CDH9: variants seen among roughly 807,000 people sequenced by gnomAD.
The protein encoded by CDH9 is cadherin 9, also known as cadherin-9.
Under a neutral mutation model 70.9 loss-of-function variants are expected in CDH9, and 28 were observed. The ratio of observed to expected loss-of-function variants is 0.40; its 90% CI spans 0.29 to 0.54. CDH9 has a LOEUF of 0.54. Ranked by LOEUF, CDH9 falls within the 20% of genes least tolerant of loss-of-function variation. The probability of loss-of-function intolerance (pLI) is 0.59; values close to 1 mark genes in which losing one functional copy is unlikely to be tolerated. For missense variants in CDH9, 874 were observed against 984.4 expected (o/e 0.89, Z 1.50); for synonymous variants, 409 against 343.1 (o/e 1.19, Z -2.12).
intron 7 of CDH9, among the ~76,000 whole-genome samples, chr5:26,894,420 C>A (rs917918866): frequency 4.6e-5 from 7 of 152,000 alleles, no homozygotes; most frequent in Admixed American, 2.6e-4. Flanking sequence ...TTTCTGGCCA[C>A]CTTACTCTTA....
chr5:26,993,760 G>T (rs915088421), intron 1 of CDH9, among the ~76,000 whole-genome samples: 1 of 134,876 alleles, frequency 7.4e-6, no homozygotes, highest in Non-Finnish European at 1.6e-5. Context: ...TGACTCGAAA[G>T]ATAATTCAGG....
chr5:26,984,280 A>T (rs1401660457), intron 2 of CDH9, among the ~76,000 whole-genome samples: 1 of 152,190 alleles, frequency 6.6e-6, no homozygotes, highest in East Asian at 1.9e-4. Flanking sequence ...TGCTCTGCAC[A>T]AAGCAAGTGC....
At chr5:27,005,558 C>T (rs1358821181) in intron 1 of CDH9, among the ~76,000 whole-genome samples, 1 of 152,034 alleles carries the variant, frequency 6.6e-6, no homozygotes, top group East Asian at 1.9e-4. Flanking sequence ...AACACATGCA[C>T]TGATGGTGGG....
intron 3 of CDH9, among the ~76,000 whole-genome samples, chr5:26,911,633 A>G (rs1741055352): frequency 6.6e-6 from 1 of 151,394 alleles, no homozygotes; most frequent in African/African-American, 2.4e-5. Flanking sequence ...ACATGAAGCA[A>G]GTTGATAGAA....
chr5:26,961,776 T>C (rs1175926716), intron 2 of CDH9, among the ~76,000 whole-genome samples: 7 of 152,134 alleles, frequency 4.6e-5, no homozygotes, highest in African/African-American at 1.7e-4. Context: ...GCATGCAGTT[T>C]CGTCACCACC....
intron 1 of CDH9, among the ~76,000 whole-genome samples, chr5:26,995,909 T>A (rs186991577): frequency 6.6e-6 from 1 of 152,184 alleles, no homozygotes; most frequent in African/African-American, 2.4e-5. Flanking sequence ...TTGTTAACTT[T>A]AAAAACTGAA....
At position 26,988,124 on chromosome 5, in the gene CDH9, G is replaced by C; in HGVS notation, c.210C>G (p.Asp70Glu). 1 of 1,611,240 alleles carries C rather than the reference G, an allele frequency of 6.2e-7. No homozygotes were observed. The highest frequency in any genetic ancestry group is 8.5e-7 in the Non-Finnish European group (1 of 1,178,094). The part of the protein sequence containing the change: ...FFLLEEYTGT[D>E]TQYVGKLHTD... ...TTCTTACCTTGCCTACATATTGTGT[G>C]TCAGTACCTGTGTACTCTTCCAATA... Residue 70 changes from aspartate to glutamate, a missense_variant, in exon 2 of 12, where the codon GAC becomes GAG. Transcript: ENST00000231021.
chr5:26,985,571 A>G (rs1742475521), intron 2 of CDH9, among the ~76,000 whole-genome samples: 1 of 152,080 alleles, frequency 6.6e-6, no homozygotes, highest in Non-Finnish European at 1.5e-5. Context: ...TATCTTCCCA[A>G]TTTCATGCAA....
intron 2 of CDH9, among the ~76,000 whole-genome samples, chr5:26,939,788 G>T (rs993983191): frequency 6.6e-6 from 1 of 152,222 alleles, no homozygotes; most frequent in South Asian, 2.1e-4. Flanking sequence ...ATAGAGAATT[G>T]TTTAGGCATG....
intron 2 of CDH9, among the ~76,000 whole-genome samples, chr5:26,921,802 G>A (rs558270106): frequency 1.4e-4 from 21 of 151,950 alleles, no homozygotes; most frequent in Admixed American, 3.9e-4. Flanking sequence ...CACACTTCCC[G>A]GTAACATATT....
At chr5:27,011,627 A>C (rs2112115642) in intron 1 of CDH9, among the ~76,000 whole-genome samples, 1 of 152,206 alleles carries the variant, frequency 6.6e-6, no homozygotes, top group African/African-American at 2.4e-5. Context: ...GCCTTAGGAA[A>C]CTTATAGTGT....
At chr5:27,001,838 A>ACT (rs1186197846) in intron 1 of CDH9, among the ~76,000 whole-genome samples, 2 of 123,170 alleles carry the variant, frequency 1.6e-5, no homozygotes, top group African/African-American at 7.7e-5. Context: ...ATACACACAC[A>ACT]CACACACTCT....
intron 2 of CDH9, among the ~76,000 whole-genome samples, chr5:26,931,973 A>T (rs1264219724): frequency 6.6e-6 from 1 of 152,208 alleles, no homozygotes; most frequent in East Asian, 1.9e-4. Context: ...GTGAATTTCA[A>T]CCAAGATAAT....
chr5:26,974,904 G>C (rs1275107526), intron 2 of CDH9, among the ~76,000 whole-genome samples: 1 of 151,966 alleles, frequency 6.6e-6, no homozygotes, highest in East Asian at 1.9e-4. Context: ...TGTAACTGTA[G>C]TCACCATGCT....
chr5:26,906,914 T>C (rs113140067), intron 3 of CDH9, 76 bp from the exon 4 acceptor site: 1 of 1,463,408 alleles, frequency 6.8e-7, no homozygotes, highest in Non-Finnish European at 9.1e-7. Context: ...TAAAAATATG[T>C]TGCTCTCAGT....
intron 2 of CDH9, among the ~76,000 whole-genome samples, chr5:26,976,273 C>G (rs769628203): frequency 6.6e-6 from 1 of 152,146 alleles, no homozygotes; most frequent in Admixed American, 6.5e-5. Flanking sequence ...AGTGATGAAA[C>G]AGATTGGATG....
intron 3 of CDH9, among the ~76,000 whole-genome samples, chr5:26,910,740 G>C (rs1240088984): frequency 6.6e-6 from 1 of 152,166 alleles, no homozygotes; most frequent in East Asian, 1.9e-4. Context: ...TTCAGTGTGA[G>C]AATAAGTTAA....
At chr5:27,011,646 A>G (rs576752668) in intron 1 of CDH9, among the ~76,000 whole-genome samples, 2 of 152,178 alleles carry the variant, frequency 1.3e-5, no homozygotes, top group East Asian at 1.9e-4. Flanking sequence ...GTTAAAGTTA[A>G]TTTTTATTAT....
chr5:26,906,031 C>T lies in CDH9; in HGVS notation c.739G>A (p.Gly247Ser), dbSNP rs772276850. ...TTCACTGTGGTGGTTCCAGAAAGGC[C>T]TCCCATCTGGCCACCCATGTCTTTG... ...QAKDMGGQMGGLSGTTTVNIT... is the reference protein window; with the variant it reads ...QAKDMGGQMGSLSGTTTVNIT... Residue 247 changes from glycine to serine, a missense_variant, in exon 5 of 12, where the codon GGC becomes AGC. Coordinates refer to ENST00000231021, the MANE Select transcript of CDH9 (RefSeq NM_016279.4). 1 of 1,613,304 alleles carries T rather than the reference C, an allele frequency of 6.2e-7. No homozygotes were observed. Among genetic ancestry groups the T allele is most frequent in the South Asian group, 1.1e-5 (1 of 91,074 alleles).
Sources: gnomAD v4.1 joint callset for allele counts (sites outside exome capture counted in the v4.1 genomes callset) on GRCh38, gnomAD v4.1.1 for gene constraint, MANE v1.5 for transcripts, NCBI Gene and HGNC (gene_info 2026-07-23, HGNC 2026-07-21) for gene names.